Variants in UBR3 observed in about 807,000 individuals in gnomAD.
UBR3 encodes the protein E3 ubiquitin-protein ligase UBR3.
Under a neutral mutation model 243.2 loss-of-function variants are expected in UBR3, and 85 were observed. The observed-to-expected ratio is 0.35, with a 90% CI of 0.29 to 0.42. UBR3 has a LOEUF of 0.42. UBR3 is among the 10% of genes least tolerant of loss of function. The pLI, the probability that UBR3 is intolerant of heterozygous loss-of-function variation, is 1.00. For missense variants in UBR3, 1,686 were observed against 2,300.8 expected (o/e 0.73, Z 5.47); for synonymous variants, 748 against 799.8 (o/e 0.94, Z 1.09).
intron 24 of UBR3, among the ~76,000 whole-genome samples, chr2:169,969,964 G>A (rs1017986398): frequency 3.5e-5 from 5 of 143,848 alleles, no homozygotes; most frequent in African/African-American, 5.1e-5. Flanking sequence ...TTTTGGCTCA[G>A]GATTGCTTTG....
intron 24 of UBR3, among the ~76,000 whole-genome samples, chr2:169,961,737 T>A (rs2105369580): frequency 6.6e-6 from 1 of 152,284 alleles, no homozygotes; most frequent in South Asian, 2.1e-4. Context: ...TGTGACACAT[T>A]TGTGATTATC....
chr2:170,044,743 C>T (rs1159415091), intron 32 of UBR3, among the ~76,000 whole-genome samples: 1 of 152,162 alleles, frequency 6.6e-6, no homozygotes, highest in African/African-American at 2.4e-5. Context: ...TTCTACTTCA[C>T]AGCACCAGAT....
chr2:169,967,527 C>T (rs997021828), intron 24 of UBR3, among the ~76,000 whole-genome samples: 16 of 152,022 alleles, frequency 1.1e-4, no homozygotes, highest in Admixed American at 3.3e-4. Flanking sequence ...CCACCTAAAT[C>T]GTAGGAATTG....
intron 36 of UBR3, chr2:170,077,397 A>G (rs184482323): frequency 3.1e-4 from 369 of 1,194,940 alleles, no homozygotes; most frequent in Non-Finnish European, 4.0e-4. Flanking sequence ...GGAATGAGGG[A>G]CTCTTCTTTA....
At chr2:170,055,667 T>TA in intron 33 of UBR3, 83 bp downstream of exon 33, 1 of 1,512,196 alleles carries the variant, frequency 6.6e-7, no homozygotes, top group African/African-American at 1.4e-5. Context: ...GAGTAGGTGT[T>TA]ACAAAATGAG....
chr2:169,897,835 C>G (rs10209163), intron 8 of UBR3, among the ~76,000 whole-genome samples: 27,588 of 152,046 alleles, frequency 0.18, 2,758 homozygotes, highest in East Asian at 0.37. Context: ...TGCTATGTAC[C>G]TGGTACTGTG....
At chr2:169,987,735 A>C (rs2089086418) in intron 25 of UBR3, among the ~76,000 whole-genome samples, 1 of 152,100 alleles carries the variant, frequency 6.6e-6, no homozygotes. Context: ...GTGTAAAATA[A>C]AGAGAAAAAA....
chr2:169,958,396 A>C, intron 23 of UBR3, 42 bp from the exon 24 acceptor site: 1 of 1,576,274 alleles, frequency 6.3e-7, no homozygotes, highest in Non-Finnish European at 8.7e-7. Flanking sequence ...GCTAGGTCTT[A>C]AGCGCATCTG....
chr2:169,867,684 C>A (rs2105307012), intron 1 of UBR3, among the ~76,000 whole-genome samples: 1 of 152,312 alleles, frequency 6.6e-6, no homozygotes, highest in East Asian at 1.9e-4. Context: ...GGGAATCTTT[C>A]CTGATCTGCA....
At chr2:169,837,432 C>T (rs530978379) in intron 1 of UBR3, among the ~76,000 whole-genome samples, 233 of 152,312 alleles carry the variant, frequency 1.5e-3, no homozygotes, top group South Asian at 8.3e-3. Flanking sequence ...GCCGCGATCA[C>T]GCCATTGCAC....
Position 169,827,653 on chromosome 2 carries a change from A to AGGAGCTGCAGGCGCTGC in UBR3, c.147_163dup (p.Leu55ArgfsTer11). On this transcript the variant is annotated frameshift_variant, in exon 1 of 39. Coordinates refer to ENST00000272793, the MANE Select transcript of UBR3 (RefSeq NM_172070.4). LOFTEE classifies it high-confidence loss of function. ...CGGCCGGACAACCGCGCAGGTGCTG[A>AGGAGCTGCAGGCGCTGC]GGAGCTGCAGGCGCTGCTGGAGCGG... is the stretch of plus-strand genomic sequence containing the variant. 8.0e-7 allele frequency: 1 copy of AGGAGCTGCAGGCGCTGC among 1,245,054 alleles called. No individual in the cohort carries two copies. The highest frequency in any genetic ancestry group is 1.0e-6 in the Non-Finnish European group (1 of 996,418). 77.1% of individuals were successfully genotyped at this position (1,245,054 alleles called of 1,614,324 possible). A position where few individuals can be genotyped will look rare whatever the true frequency, so the allele number is the denominator to read the frequency against.
At chr2:170,080,420 T>G (rs1330517570) in intron 37 of UBR3, 125 bp from the exon 38 acceptor site, 3 of 1,045,102 alleles carry the variant, frequency 2.9e-6, no homozygotes, top group Non-Finnish European at 4.0e-6. Context: ...AGTTATAAGT[T>G]TAACTTAAAT....
intron 32 of UBR3, among the ~76,000 whole-genome samples, chr2:170,054,429 C>G (rs2091288883): frequency 6.6e-6 from 1 of 152,060 alleles, no homozygotes; most frequent in Non-Finnish European, 1.5e-5. Flanking sequence ...TTACAGGCAC[C>G]CGCCACCATG....
chr2:169,872,814 AC>A (rs1386103375), intron 2 of UBR3, among the ~76,000 whole-genome samples: 1 of 152,010 alleles, frequency 6.6e-6, no homozygotes, highest in African/African-American at 2.4e-5. Flanking sequence ...TTATATAATA[AC>A]TTATGATAGG....
At chr2:169,993,985 A>G (rs2089390453) in intron 25 of UBR3, among the ~76,000 whole-genome samples, 1 of 152,090 alleles carries the variant, frequency 6.6e-6, no homozygotes, top group South Asian at 2.1e-4. Flanking sequence ...TCTTCCTTTT[A>G]GTGAGAAATA....
At chr2:169,952,385 A>G (rs1274601134) in intron 23 of UBR3, among the ~76,000 whole-genome samples, 1 of 152,168 alleles carries the variant, frequency 6.6e-6, no homozygotes, top group Non-Finnish European at 1.5e-5. Context: ...ATCCGTTGGT[A>G]CCTGTATAAG....
chr2:170,040,919 C>A lies in UBR3; in HGVS notation c.4594C>A (p.Leu1532Ile). The A allele has an allele frequency of 6.2e-7, 1 of 1,613,514 alleles. No individual in the cohort carries two copies. The highest frequency in any genetic ancestry group is 8.5e-7 in the Non-Finnish European group (1 of 1,179,728). Residue 1532 changes from leucine to isoleucine, a missense_variant, in exon 32 of 39, where the codon CTT becomes ATT. Coordinates refer to ENST00000272793, the MANE Select transcript of UBR3 (RefSeq NM_172070.4). ...YEEQQPEVPILYHDVTSLLLI... is the reference protein window; with the variant it reads ...YEEQQPEVPIIYHDVTSLLLI... ...AGAACAACAGCCTGAGGTTCCAATT[C>A]TTTATCATGATGTAACATCCCTTTT...
chr2:169,838,388 TG>T (rs1316370322), intron 1 of UBR3, among the ~76,000 whole-genome samples: 20 of 1,850 alleles, frequency 0.011, no homozygotes, highest in East Asian at 0.021. Context: ...TTAAGGCATT[TG>T]TGTGTGTGTG....
At chr2:169,998,624 G>A (rs2089583292) in intron 26 of UBR3, among the ~76,000 whole-genome samples, 1 of 152,172 alleles carries the variant, frequency 6.6e-6, no homozygotes, top group Non-Finnish European at 1.5e-5. Context: ...GTGGTAGCTG[G>A]ACCAGACTGT....
Sources: gnomAD v4.1 joint callset for allele counts (sites outside exome capture counted in the v4.1 genomes callset) on GRCh38, gnomAD v4.1.1 for gene constraint, MANE v1.5 for transcripts, NCBI Gene and HGNC (gene_info 2026-07-23, HGNC 2026-07-21) for gene names.